SPAG6: variants seen among roughly 807,000 people sequenced by gnomAD.
SPAG6 encodes the protein sperm associated antigen 6.
In SPAG6, 49 loss-of-function variants were observed where a neutral mutation model predicts 58.5. That is an observed-to-expected ratio of 0.84 (90% CI 0.67 to 1.06). SPAG6 has a LOEUF of 1.06. Ranked by LOEUF, SPAG6 falls within the 50% of genes least tolerant of loss-of-function variation. The pLI is 0.00. For synonymous variants in SPAG6, 233 were observed against 225.6 expected (o/e 1.03, Z -0.29); for missense variants, 560 against 611.3 (o/e 0.92, Z 0.89).
chr10:22,415,102 G>T (rs185374947), intron 10 of SPAG6, among the ~76,000 whole-genome samples: 41 of 152,032 alleles, frequency 2.7e-4, no homozygotes, highest in African/African-American at 8.9e-4. Flanking sequence ...GTAGCTGGTG[G>T]CTCCCATTCA....
chr10:22,412,765 G>A (rs1834772194), intron 10 of SPAG6: 1 of 238,538 alleles, frequency 4.2e-6, no homozygotes, highest in Admixed American at 5.5e-5. Flanking sequence ...TAGAGACAGG[G>A]TTTCACCATG....
At chr10:22,400,427 G>A (rs1259157902) in intron 8 of SPAG6, among the ~76,000 whole-genome samples, 2 of 152,098 alleles carry the variant, frequency 1.3e-5, no homozygotes, top group Non-Finnish European at 2.9e-5. Flanking sequence ...CTGCTGTGAT[G>A]TGCTGCAGCC....
At chr10:22,390,635 G>A (rs1312298910) in intron 7 of SPAG6, among the ~76,000 whole-genome samples, 1 of 152,186 alleles carries the variant, frequency 6.6e-6, no homozygotes, top group African/African-American at 2.4e-5. Flanking sequence ...ACAAGTCAGA[G>A]CTTCAGGGAT....
chr10:22,346,497 T>C (rs941946907), intron 2 of SPAG6, among the ~76,000 whole-genome samples: 2 of 74,378 alleles, frequency 2.7e-5, no homozygotes, highest in Admixed American at 1.4e-4. Flanking sequence ...CTTCTTCTTC[T>C]TTCTTCTTCT....
At chr10:22,362,589 A>G (rs973471428) in intron 2 of SPAG6, among the ~76,000 whole-genome samples, 1 of 151,978 alleles carries the variant, frequency 6.6e-6, no homozygotes, top group Non-Finnish European at 1.5e-5. Context: ...AAAAAAATGA[A>G]AAAAATTAGT....
chr10:22,360,214 T>C (rs1836994585), intron 2 of SPAG6, among the ~76,000 whole-genome samples: 1 of 152,148 alleles, frequency 6.6e-6, no homozygotes, highest in South Asian at 2.1e-4. Context: ...TCCCTATTGC[T>C]TGCTATGTGG....
chr10:22,355,114 C>T (rs975718888), intron 2 of SPAG6, among the ~76,000 whole-genome samples: 1 of 152,046 alleles, frequency 6.6e-6, no homozygotes, highest in Non-Finnish European at 1.5e-5. Context: ...GTGAATTCAA[C>T]AGACTATATA....
In SPAG6 at chr10:22,355,559, C is replaced by G. The variant is rs556691639; in HGVS notation, c.122-9294C>G. Among the ~76,000 whole-genome samples the G allele has an allele frequency of 2.6e-5, 4 of 152,260 alleles. No individual in the cohort carries two copies. In the South Asian group the frequency reaches 8.3e-4, roughly 32 times the overall value. On this transcript the variant is annotated intron_variant, in intron 2 of 10. Transcript: ENST00000376624. ...TCATAATAGTTTCTTGAATTATTTACTATTACAATTGAATTCTATGTAAAA... is the reference window on the plus strand; with the variant it reads ...TCATAATAGTTTCTTGAATTATTTAGTATTACAATTGAATTCTATGTAAAA...
chr10:22,414,137 G>A (rs534701747), intron 10 of SPAG6, among the ~76,000 whole-genome samples: 10 of 152,290 alleles, frequency 6.6e-5, no homozygotes, highest in Non-Finnish European at 2.9e-5. Context: ...TGCCTCAGCT[G>A]GGGTGGGGAA....
chr10:22,410,445 G>A (rs1421975135), intron 9 of SPAG6, among the ~76,000 whole-genome samples: 1 of 152,184 alleles, frequency 6.6e-6, no homozygotes, highest in Non-Finnish European at 1.5e-5. Context: ...CTCATCCTGG[G>A]ATAAGGGGAT....
At chr10:22,398,393 A>C (rs925418487) in intron 8 of SPAG6, among the ~76,000 whole-genome samples, 9 of 150,028 alleles carry the variant, frequency 6.0e-5, no homozygotes, top group African/African-American at 2.3e-4. Context: ...TTGATAAATT[A>C]TATTTCATCA....
At chr10:22,349,115 C>T (rs2132026362) in intron 2 of SPAG6, among the ~76,000 whole-genome samples, 1 of 152,276 alleles carries the variant, frequency 6.6e-6, no homozygotes. Flanking sequence ...TCCCAAAGTG[C>T]TGGGATTAAA....
intron 2 of SPAG6, among the ~76,000 whole-genome samples, chr10:22,350,057 TAAC>T (rs1374177034): frequency 6.6e-6 from 1 of 152,002 alleles, no homozygotes; most frequent in Admixed American, 6.6e-5. Context: ...AAAAGAAAAT[TAAC>T]AAAGCAACTA....
chr10:22,365,863 G>T (rs1009727705), intron 3 of SPAG6, among the ~76,000 whole-genome samples: 2 of 151,956 alleles, frequency 1.3e-5, no homozygotes, highest in Non-Finnish European at 2.9e-5. Context: ...CCACAATGAG[G>T]TATCACTTCA....
intron 8 of SPAG6, among the ~76,000 whole-genome samples, chr10:22,397,838 T>C (rs938577904): frequency 9.9e-5 from 15 of 152,146 alleles, no homozygotes; most frequent in Admixed American, 1.3e-4. Flanking sequence ...ATACTCCAAA[T>C]TGATCTATAT....
intron 2 of SPAG6, among the ~76,000 whole-genome samples, chr10:22,363,233 G>C (rs1316837981): frequency 6.6e-6 from 1 of 152,192 alleles, no homozygotes; most frequent in Non-Finnish European, 1.5e-5. Context: ...AAATTACAAA[G>C]AGATGGACAA....
chr10:22,371,782 C>T (rs1237129694), intron 4 of SPAG6, among the ~76,000 whole-genome samples: 1 of 152,120 alleles, frequency 6.6e-6, no homozygotes, highest in Non-Finnish European at 1.5e-5. Context: ...TAGAGAGAAG[C>T]CGATGGGCAT....
At chr10:22,413,013 A>G (rs1834777065) in intron 10 of SPAG6, 1 of 146,992 alleles carries the variant, frequency 6.8e-6, no homozygotes, top group African/African-American at 2.6e-5. Context: ...GGTATTTTAT[A>G]TAAGTTTAAG....
chr10:22,387,676 T>G, intron 5 of SPAG6, 147 bp from the exon 6 acceptor site: 1 of 674,632 alleles, frequency 1.5e-6, no homozygotes, highest in South Asian at 3.7e-5. Flanking sequence ...GTCTCAAGAC[T>G]CAGAAATCTT....
Sources: gnomAD v4.1 joint callset for allele counts (sites outside exome capture counted in the v4.1 genomes callset) on GRCh38, gnomAD v4.1.1 for gene constraint, MANE v1.5 for transcripts, NCBI Gene and HGNC (gene_info 2026-07-23, HGNC 2026-07-21) for gene names.